TEX11: variants seen among roughly 807,000 people sequenced by gnomAD.
TEX11 encodes the protein testis expressed 11, also known as testis-expressed protein 11.
In TEX11, 7 loss-of-function variants were observed where a neutral mutation model predicts 84.4. The ratio of observed to expected loss-of-function variants is 0.08; its 90% CI spans 0.05 to 0.16. The LOEUF (loss-of-function observed/expected upper bound fraction) is 0.16, where lower values mean the gene tolerates loss of function less well. Among genes scored for constraint, TEX11 ranks in the 10% least tolerant of loss-of-function variants. The probability of loss-of-function intolerance (pLI) is 1.00; values close to 1 mark genes in which losing one functional copy is unlikely to be tolerated. For synonymous variants in TEX11, 264 were observed against 222.8 expected, an observed-to-expected ratio of 1.18 and a Z score of -1.64; for missense variants, 551 against 660.5, an observed-to-expected ratio of 0.83 and a Z score of 1.82.
intron 7 of TEX11, among the ~76,000 whole-genome samples, chrX:70,848,552 G>A (rs1190046006): frequency 1.8e-5 from 2 of 111,135 alleles, no homozygotes; most frequent in Non-Finnish European, 3.8e-5. Flanking sequence ...ACATACTACT[G>A]ATCACTCTTT....
At chrX:70,649,149 G>A (rs926515603) in intron 17 of TEX11, among the ~76,000 whole-genome samples, 27 of 111,921 alleles carry the variant, frequency 2.4e-4, no homozygotes, top group African/African-American at 8.8e-4. Context: ...CCATGTCTTT[G>A]CTATTGTGAA....
Position 70,836,031 on chromosome X carries a change from G to T in TEX11, c.526-2438C>A, listed in dbSNP as rs1004420135. Among the ~76,000 whole-genome samples, 3 of 106,565 alleles carry T rather than the reference G, an allele frequency of 2.8e-5. No individual in the cohort carries two copies. In the East Asian group the frequency reaches 8.9e-4, roughly 32 times the overall value. 92.5% of individuals were successfully genotyped at this position (106,565 alleles called of 115,157 possible). On this transcript the variant is annotated intron_variant, in intron 7 of 29. Coordinates refer to ENST00000374333, the MANE Select transcript of TEX11 (RefSeq NM_031276.3). Reference sequence around the variant, plus strand: ...CTTGGGAGGCTGAGGCAGGAGAATCGCTTGAACCCGGGAAGCAGAGGCTGC... The same window carrying T: ...CTTGGGAGGCTGAGGCAGGAGAATCTCTTGAACCCGGGAAGCAGAGGCTGC...
intron 9 of TEX11, among the ~76,000 whole-genome samples, chrX:70,757,434 C>T (rs2090875438): frequency 1.8e-5 from 2 of 111,850 alleles, no homozygotes; most frequent in African/African-American, 3.3e-5. Flanking sequence ...CAGCACAAAC[C>T]CTACAAGCCA....
chrX:70,570,376 C>T (rs1232601292), intron 25 of TEX11, among the ~76,000 whole-genome samples: 11 of 112,299 alleles, frequency 9.8e-5, no homozygotes, highest in Non-Finnish European at 2.1e-4. Context: ...CGCAATGCCT[C>T]GCCCTGCTTC....
intron 15 of TEX11, among the ~76,000 whole-genome samples, chrX:70,672,017 T>C (rs2090029783): frequency 9.4e-6 from 1 of 106,662 alleles, no homozygotes. Context: ...TGGTCTCTCA[T>C]ACCCCAAGCA....
chrX:70,593,905 A>C (rs1418950151), intron 24 of TEX11, among the ~76,000 whole-genome samples: 1 of 111,512 alleles, frequency 9.0e-6, no homozygotes, highest in Admixed American at 9.6e-5. Context: ...AGGCACACCA[A>C]TATACCCATA....
intron 9 of TEX11, among the ~76,000 whole-genome samples, chrX:70,798,192 A>G (rs1023647609): frequency 9.0e-6 from 1 of 110,667 alleles, no homozygotes; most frequent in African/African-American, 3.3e-5. Context: ...TAGCTTTTAT[A>G]TGCAAACAAT....
intron 10 of TEX11, 83 bp downstream of exon 10, chrX:70,744,082 G>A: frequency 4.0e-6 from 2 of 505,013 alleles, no homozygotes; most frequent in South Asian, 6.8e-5. Flanking sequence ...CTCATAAATG[G>A]GGAGTACGCT....
chrX:70,679,095 C>G (rs897339721), intron 14 of TEX11, among the ~76,000 whole-genome samples: 1 of 112,452 alleles, frequency 8.9e-6, no homozygotes, highest in African/African-American at 3.2e-5. Context: ...CGCGCCGCCA[C>G]GCCTGACTGG....
chrX:70,680,697 T>C (rs1426120781), intron 14 of TEX11, among the ~76,000 whole-genome samples: 1 of 111,920 alleles, frequency 8.9e-6, no homozygotes, highest in African/African-American at 3.2e-5. Flanking sequence ...CAGGTTTTCA[T>C]CATCAATTTT....
intron 28 of TEX11, among the ~76,000 whole-genome samples, chrX:70,532,580 A>T (rs2087902511): frequency 8.9e-6 from 1 of 111,752 alleles, no homozygotes; most frequent in South Asian, 3.8e-4. Context: ...TACTAAAAAT[A>T]CAAAATAGCT....
chrX:70,886,412 G>T (rs1293223356), intron 2 of TEX11, among the ~76,000 whole-genome samples: 1 of 111,557 alleles, frequency 9.0e-6, no homozygotes, highest in Non-Finnish European at 1.9e-5. Flanking sequence ...CCAAAGAGTA[G>T]AATGGTGGTT....
At chrX:70,765,069 G>A (rs1023592386) in intron 9 of TEX11, among the ~76,000 whole-genome samples, 4 of 111,328 alleles carry the variant, frequency 3.6e-5, no homozygotes, top group East Asian at 2.8e-4. Flanking sequence ...AAAAATCCTC[G>A]ACAAAATATT....
intron 13 of TEX11, among the ~76,000 whole-genome samples, chrX:70,712,239 G>T (rs2090443426): frequency 9.0e-6 from 1 of 111,504 alleles, no homozygotes; most frequent in African/African-American, 3.3e-5. Context: ...CTCCAGTTTT[G>T]TTCTTTTGGC....
chrX:70,590,112 T>G (rs2088909291), intron 25 of TEX11, among the ~76,000 whole-genome samples: 1 of 112,167 alleles, frequency 8.9e-6, no homozygotes, highest in South Asian at 3.7e-4. Context: ...AAAGATGATA[T>G]GTTTTCTGTT....
intron 9 of TEX11, among the ~76,000 whole-genome samples, chrX:70,771,955 T>C (rs1215649875): frequency 2.7e-5 from 3 of 111,809 alleles, no homozygotes; most frequent in African/African-American, 9.7e-5. Flanking sequence ...AACAGGAGAC[T>C]GACCACATTA....
intron 8 of TEX11, among the ~76,000 whole-genome samples, chrX:70,823,577 GAC>G (rs2147823924): frequency 9.0e-6 from 1 of 110,984 alleles, no homozygotes; most frequent in African/African-American, 3.3e-5. Flanking sequence ...TCAAAAAAAA[GAC>G]AAGTTCAGGC....
At chrX:70,855,545 G>C (rs926840863) in intron 5 of TEX11, among the ~76,000 whole-genome samples, 1 of 106,723 alleles carries the variant, frequency 9.4e-6, no homozygotes, top group African/African-American at 3.4e-5. Context: ...CAGCTTGGGC[G>C]ATAGAGTGAG....
intron 15 of TEX11, among the ~76,000 whole-genome samples, chrX:70,678,446 C>T (rs1046885854): frequency 3.6e-5 from 3 of 83,953 alleles, no homozygotes; most frequent in African/African-American, 1.3e-4. Flanking sequence ...TACAGGAAAC[C>T]TGAGTTGTCT....
Sources: allele counts gnomAD v4.1 joint callset (sites outside exome capture counted in the v4.1 genomes callset), GRCh38; gene constraint gnomAD v4.1.1; transcripts MANE v1.5; gene names NCBI Gene and HGNC (gene_info 2026-07-23, HGNC 2026-07-21).